DPP6: variants seen among roughly 807,000 people sequenced by gnomAD.
DPP6 encodes the protein dipeptidyl peptidase like 6.
In DPP6, 69 loss-of-function variants were observed where a neutral mutation model predicts 122.6. That is an observed-to-expected ratio of 0.56 (90% CI 0.46 to 0.69). The LOEUF (loss-of-function observed/expected upper bound fraction) is 0.69. Ranked by LOEUF, DPP6 falls within the 30% of genes least tolerant of loss-of-function variation. The pLI, the probability that DPP6 is intolerant of heterozygous loss-of-function variation, is 0.00. For synonymous variants in DPP6, 418 were observed against 433.1 expected (o/e 0.97, Z 0.43); for missense variants, 928 against 1,116.9 (o/e 0.83, Z 2.41).
chr7:153,847,466 AT>A, the DPP6 span, among the ~76,000 whole-genome samples: 1 of 152,152 alleles, frequency 6.6e-6, no homozygotes, highest in East Asian at 1.9e-4. Flanking sequence ...CATATATAGC[AT>A]TTTTGTATTG....
intron 1 of DPP6, among the ~76,000 whole-genome samples, chr7:153,994,726 A>AT (rs933425547): frequency 1.3e-5 from 2 of 152,052 alleles, no homozygotes; most frequent in African/African-American, 2.4e-5. Flanking sequence ...TTGGGAAGTA[A>AT]TTTTTTTTAG....
At chr7:154,023,402 T>C (rs1167635412) in intron 1 of DPP6, among the ~76,000 whole-genome samples, 2 of 150,320 alleles carry the variant, frequency 1.3e-5, no homozygotes, top group Admixed American at 1.3e-4. Context: ...AAGGGGCATG[T>C]TGCTCTATAA....
the DPP6 span, among the ~76,000 whole-genome samples, chr7:153,781,230 C>T: frequency 6.6e-6 from 1 of 152,066 alleles, no homozygotes; most frequent in Non-Finnish European, 1.5e-5. Flanking sequence ...GCTCTTCCAC[C>T]AGCTCTGGAC....
At chr7:154,472,321 A>G (rs991616357) in intron 2 of DPP6, among the ~76,000 whole-genome samples, 4 of 152,178 alleles carry the variant, frequency 2.6e-5, no homozygotes, top group African/African-American at 9.7e-5. Flanking sequence ...TGCCACGCCA[A>G]TGCCAACACA....
intron 1 of DPP6, among the ~76,000 whole-genome samples, chr7:154,363,034 A>G (rs1444898864): frequency 2.6e-5 from 4 of 152,232 alleles, no homozygotes; most frequent in East Asian, 1.9e-4. Context: ...TCAGAAGACT[A>G]TGGTCTAGGT....
At chr7:154,378,769 T>A (rs1230393266) in intron 1 of DPP6, among the ~76,000 whole-genome samples, 1 of 152,216 alleles carries the variant, frequency 6.6e-6, no homozygotes, top group African/African-American at 2.4e-5. Context: ...CAGTTCCGCA[T>A]GGCTGGGGAA....
At chr7:154,671,866 A>ACACACACACATGTG in intron 7 of DPP6, among the ~76,000 whole-genome samples, 1 of 118,110 alleles carries the variant, frequency 8.5e-6, no homozygotes, top group Non-Finnish European at 2.1e-5. Context: ...ACACACATGC[A>ACACACACACATGTG]CACACACACA....
At chr7:154,389,475 A>G (rs1482439590) in intron 1 of DPP6, among the ~76,000 whole-genome samples, 1 of 152,170 alleles carries the variant, frequency 6.6e-6, no homozygotes, top group Non-Finnish European at 1.5e-5. Flanking sequence ...TGCTGAAAAA[A>G]ATCAGTGTCT....
chr7:154,592,439 G>A (rs1394063468), intron 5 of DPP6, among the ~76,000 whole-genome samples: 4 of 152,210 alleles, frequency 2.6e-5, no homozygotes, highest in African/African-American at 4.8e-5. Context: ...AGGCGCTCTC[G>A]CAGGCACAGG....
intron 1 of DPP6, among the ~76,000 whole-genome samples, chr7:153,975,793 G>A (rs1796272671): frequency 6.6e-6 from 1 of 152,190 alleles, no homozygotes; most frequent in Non-Finnish European, 1.5e-5. Context: ...ACATTGAATA[G>A]AGACTTTGAA....
chr7:154,884,710 T>G (rs1216755294), intron 21 of DPP6: 2 of 117,182 alleles, frequency 1.7e-5, no homozygotes, highest in African/African-American at 3.4e-5. Context: ...CAGGCACACA[T>G]GATCACACAT....
chr7:153,766,295 G>C, the DPP6 span, among the ~76,000 whole-genome samples: 3 of 152,148 alleles, frequency 2.0e-5, no homozygotes. Context: ...ATCGACTTTT[G>C]CTATGTGGCC....
intron 1 of DPP6, among the ~76,000 whole-genome samples, chr7:154,061,321 T>C (rs1801835288): frequency 6.7e-6 from 1 of 148,430 alleles, no homozygotes; most frequent in African/African-American, 2.5e-5. Flanking sequence ...GCCCTGGGGC[T>C]ACCCGATCTG....
At chr7:154,884,378 CCTG>C (rs1013122535) in intron 21 of DPP6, 4 of 149,362 alleles carry the variant, frequency 2.7e-5, no homozygotes, top group East Asian at 2.0e-4. Flanking sequence ...ATTACATACA[CCTG>C]CTCATACACA....
At chr7:154,617,447 C>T (rs563711065) in intron 5 of DPP6, among the ~76,000 whole-genome samples, 6 of 152,230 alleles carry the variant, frequency 3.9e-5, no homozygotes, top group South Asian at 4.1e-4. Flanking sequence ...GTAAGCAATC[C>T]GATTGTGCGA....
rs1798528136 is a variant in DPP6 at position 154,803,846 on chromosome 7, C to T, written c.1408-18C>T. 6.2e-7 allele frequency: 1 copy of T among 1,611,320 alleles called. No individual in the cohort carries two copies. Among genetic ancestry groups the T allele is most frequent in the Non-Finnish European group, 8.5e-7 (1 of 1,178,040 alleles). On this transcript the variant is annotated intron_variant, in intron 13 of 25. Transcript: ENST00000377770. ...GGACACCGGTGTCTGCTCCTGATGC[C>T]ATGTCTGTGTGTTTCAGCCCAACAG... is the stretch of plus-strand genomic sequence containing the variant.
chr7:154,633,010 ATC>A (rs549015966), intron 5 of DPP6, among the ~76,000 whole-genome samples: 269 of 152,260 alleles, frequency 1.8e-3, no homozygotes, highest in Non-Finnish European at 2.5e-3. Flanking sequence ...CTGTTTTTCC[ATC>A]TTGTGGATAG....
At chr7:154,559,906 T>G (rs928317815) in intron 4 of DPP6, among the ~76,000 whole-genome samples, 1 of 91,562 alleles carries the variant, frequency 1.1e-5, no homozygotes, top group African/African-American at 4.4e-5. Context: ...CCTTTTTCTC[T>G]TAAAAAAAAT....
intron 1 of DPP6, among the ~76,000 whole-genome samples, chr7:153,894,072 C>T (rs752257810): frequency 5.3e-5 from 8 of 152,090 alleles, no homozygotes; most frequent in African/African-American, 1.2e-4. Context: ...TCCCTGGCCC[C>T]GCAACTCACA....
Sources: allele counts gnomAD v4.1 joint callset (sites outside exome capture counted in the v4.1 genomes callset), GRCh38; gene constraint gnomAD v4.1.1; transcripts MANE v1.5; gene names NCBI Gene and HGNC (gene_info 2026-07-23, HGNC 2026-07-21).